The following SEMA6B variants were observed in gnomAD, a reference collection of about 807,000 sequenced individuals.
The protein encoded by SEMA6B is semaphorin 6B.
In SEMA6B, 47 loss-of-function variants were observed where a neutral mutation model predicts 78.6. That is an observed-to-expected ratio of 0.60 (90% CI 0.47 to 0.76). The LOEUF is 0.76. SEMA6B is among the 30% of genes least tolerant of loss of function. The pLI, the probability that SEMA6B is intolerant of heterozygous loss-of-function variation, is 0.00. For missense variants in SEMA6B, 1,213 were observed against 1,269.9 expected (o/e 0.96, Z 0.68); for synonymous variants, 632 against 592.2 (o/e 1.07, Z -0.98).
At chr19:4,548,223 C>T (rs1301485629) in intron 13 of SEMA6B, 40 bp downstream of exon 13, 3 of 1,591,576 alleles carry the variant, frequency 1.9e-6, no homozygotes, top group Admixed American at 1.7e-5. Flanking sequence ...CCCATCTCCC[C>T]TCCTGCTGGC....
In SEMA6B at chr19:4,554,900, T is replaced by TTCCCAAA. The variant is rs1334016312; in HGVS notation, c.682+75_682+76insTTTGGGA. 116 of 1,534,086 alleles carry TTCCCAAA rather than the reference T, an allele frequency of 7.6e-5. No individual in the cohort carries two copies. The African/African-American group carries it at 1.5e-3, about 20-fold the overall frequency. On this transcript the variant is annotated intron_variant, in intron 8 of 16. Transcript: ENST00000586582. ...CCACCAAGCTCCTCTGGGACTCTTATTCTGGTGGGGAGATTTGATGAATGT... is the reference window on the plus strand; with the variant it reads ...CCACCAAGCTCCTCTGGGACTCTTATTCCCAAATCTGGTGGGGAGATTTGATGAATGT...
Position 4,544,053 on chromosome 19 carries a change from G to A in SEMA6B, c.2215C>T (p.His739Tyr), listed in dbSNP as rs1293585065. Residue 739 changes from histidine (H) to tyrosine (Y), a missense_variant, in exon 17 of 17, where the codon CAC becomes TAC. By Grantham distance (83) the His-to-Tyr change is moderately conservative. Coordinates refer to ENST00000586582, the MANE Select transcript of SEMA6B (RefSeq NM_032108.4). The surrounding 1 kb of genome is among the most constrained non-coding windows in gnomAD (Gnocchi z 5.1). ...ALGPRAWDHG[H>Y]PLLPASASSS... ...GAAGCGGAGGCCGGGAGCAGGGGGTGGCCGTGGTCCCAGGCGCGGGGGCCC... is the reference window on the plus strand; with the variant it reads ...GAAGCGGAGGCCGGGAGCAGGGGGTAGCCGTGGTCCCAGGCGCGGGGGCCC... 2.4e-6 allele frequency: 3 copies of A among 1,226,480 alleles called. No individual in the cohort carries two copies. In the East Asian group the frequency reaches 1.0e-4, roughly 41 times the overall value. 76.0% of individuals were successfully genotyped at this position (1,226,480 alleles called of 1,614,324 possible).
rs777813030 is a variant in SEMA6B at position 4,555,546 on chromosome 19, C to T, written c.490G>A (p.Val164Ile). The change falls in exon 7 of 17, where the codon GTC becomes ATC. Residue 164 changes from valine (V) to isoleucine (I), a missense_variant. Physicochemically the swap from Val to Ile is conservative, Grantham distance 29. Transcript: ENST00000586582. The surrounding 1 kb of genome is among the most constrained non-coding windows in gnomAD (Gnocchi z 6.1). Reference protein sequence around the residue: ...ANYSIDTLQPVGDNISGMARC... With the variant: ...ANYSIDTLQPIGDNISGMARC... ...GCCATACCGCTGATGTTGTCTCCGA[C>T]GGGCTGCAGGGTGTCTATCTGCAGG... 1.2e-5 allele frequency: 20 copies of T among 1,613,390 alleles called. No homozygotes were observed. Among genetic ancestry groups the T allele is most frequent in the Middle Eastern group, 1.7e-4 (1 of 5,968 alleles).
rs1311667767 is a variant in SEMA6B, at chr19:4,555,222, C to T, written c.563-127G>A. The T allele has an allele frequency of 3.6e-5, 38 of 1,059,858 alleles. No homozygotes were observed. The Admixed American group carries it at 3.8e-4, about 11-fold the overall frequency. 65.7% of individuals were successfully genotyped at this position (1,059,858 alleles called of 1,614,324 possible). On this transcript the variant is annotated intron_variant, in intron 7 of 16. Coordinates refer to ENST00000586582, the MANE Select transcript of SEMA6B (RefSeq NM_032108.4). The surrounding 1 kb of genome is among the most constrained non-coding windows in gnomAD (Gnocchi z 6.1). ...GGGGAGCCCCTGTCTCCAGGCTGAG[C>T]CCTGATCCCATCCAAGCCCCACCTC...
intron 12 of SEMA6B, among the ~76,000 whole-genome samples, chr19:4,549,603 T>C (rs368043155): frequency 3.9e-5 from 6 of 152,096 alleles, no homozygotes; most frequent in East Asian, 3.9e-4. Context: ...CTCAGCCTCC[T>C]GAGTAGCTGG....
rs376675633 is a variant in SEMA6B at position 4,552,639 on chromosome 19, C to A, written c.772G>T (p.Val258Leu). The change falls in exon 10 of 17, where the codon GTG becomes TTG. Residue 258 changes from valine to leucine, a missense_variant and splice_region_variant. Physicochemically the swap from Val to Leu is conservative, Grantham distance 32. Coordinates refer to ENST00000586582, the MANE Select transcript of SEMA6B (RefSeq NM_032108.4). This position sits in a 1 kb window ranked among gnomAD's most constrained non-coding sequence, Gnocchi z 7.4. ...IAMEFNYLEK[V>L]VVSRVARVCK... Reference sequence around the variant, plus strand: ...ACTCGGGCCACGCGGGACACCACCACCTGGGCGTGACAGTGGACGGACGGG... The same window carrying A: ...ACTCGGGCCACGCGGGACACCACCAACTGGGCGTGACAGTGGACGGACGGG... The A allele has an allele frequency of 1.3e-5, 21 of 1,600,970 alleles. No individual in the cohort carries two copies. The highest frequency in any genetic ancestry group is 1.7e-5 in the Non-Finnish European group (20 of 1,172,094).
Position 4,552,022 on chromosome 19 carries a change from G to C in SEMA6B, c.989+400C>G, listed in dbSNP as rs948914514. Among the ~76,000 whole-genome samples the C allele has an allele frequency of 6.6e-6, 1 of 152,030 alleles. No homozygotes were observed. The highest frequency in any genetic ancestry group is 2.4e-5 in the African/African-American group (1 of 41,370). On this transcript the variant is annotated intron_variant, in intron 10 of 16. Coordinates refer to ENST00000586582, the MANE Select transcript of SEMA6B (RefSeq NM_032108.4). The surrounding 1 kb of genome is among the most constrained non-coding windows in gnomAD (Gnocchi z 7.4). ...CTTTCCTGTTGTGCATTCTCCCCTA[G>C]TTCCCTTCCCACACAGACTCTCTCA...
rs928740748 is a variant in SEMA6B at position 4,550,722 on chromosome 19, C to T, written c.1121+77G>A. ...GAACTCAGCATCAGCTAAATAACCA[C>T]CCGGAAGCCCCAGCCCTCGGCCCTG... On this transcript the variant is annotated intron_variant, in intron 11 of 16. Transcript: ENST00000586582. This position sits in a 1 kb window ranked among gnomAD's most constrained non-coding sequence, Gnocchi z 6.6. The T allele has an allele frequency of 7.1e-6, 11 of 1,552,528 alleles. No homozygotes were observed. Among genetic ancestry groups the T allele is most frequent in the Non-Finnish European group, 8.8e-6 (10 of 1,139,244 alleles).
Position 4,550,869 on chromosome 19 carries a change from G to C in SEMA6B, c.1051C>G (p.Arg351Gly). 1.2e-6 allele frequency: 2 copies of C among 1,613,540 alleles called. No individual in the cohort carries two copies. Among genetic ancestry groups the C allele is most frequent in the Non-Finnish European group, 1.7e-6 (2 of 1,179,994 alleles). Residue 351 changes from arginine (R) to glycine (G), a missense_variant, in exon 11 of 17, where the codon CGC becomes GGC. Transcript: ENST00000586582. The surrounding 1 kb of genome is among the most constrained non-coding windows in gnomAD (Gnocchi z 6.6). The part of the protein sequence containing the change: ...LTQVAAVFEG[R>G]FREQKSPESI... ...TCGGGGGACTTCTGCTCTCGGAAGC[G>C]GCCTTCAAACACAGCTGCCACCTGT...
Position 4,543,657 on chromosome 19 carries a change from A to C in SEMA6B, c.2611T>G (p.Leu871Val). 8.1e-7 allele frequency: 1 copy of C among 1,231,630 alleles called. No homozygotes were observed. The highest frequency in any genetic ancestry group is 1.0e-6 in the Non-Finnish European group (1 of 987,750). The allele number at this position is 1,231,630 out of a possible 1,614,324, so 76.3% of individuals were successfully genotyped here. The change falls in exon 17 of 17, where the codon TTG (leucine) becomes GTG (valine). Residue 871 changes from leucine to valine, a missense_variant. Transcript: ENST00000586582. ...RGCHARPGTD[L>V]AHLLPYGGAD... ...CCCCCATAGGGGAGGAGGTGGGCCA[A>C]GTCTGTGCCCGGCCGGGCGTGGCAG...
At position 4,542,816 on chromosome 19, in the gene SEMA6B, A is replaced by G. The variant is rs780690434; in HGVS notation, c.*785T>C. On this transcript the variant is annotated 3_prime_UTR_variant, in exon 17 of 17. Coordinates refer to ENST00000586582, the MANE Select transcript of SEMA6B (RefSeq NM_032108.4). ...CCCCCCAGGCCCCCAAGCCCTTTAG[A>G]CAGCTGCTGCCGATGTGACTTCCGG... The G allele has an allele frequency of 7.3e-5, 51 of 700,776 alleles. 3 individuals are homozygous for G. The South Asian group carries it at 7.3e-4, about 10-fold the overall frequency. The allele number at this position is 700,776 out of a possible 1,614,324, so 43.4% of individuals were successfully genotyped here.
chr19:4,558,559 C>T lies in SEMA6B; in HGVS notation c.-32-70G>A. The T allele has an allele frequency of 9.9e-7, 1 of 1,006,304 alleles. No homozygotes were observed. The highest frequency in any genetic ancestry group is 1.3e-6 in the Non-Finnish European group (1 of 782,110). The allele number at this position is 1,006,304 out of a possible 1,614,324, so 62.3% of individuals were successfully genotyped here. A position where few individuals can be genotyped will look rare whatever the true frequency, so the allele number is the denominator to read the frequency against. On this transcript the variant is annotated intron_variant, in intron 1 of 16. Transcript: ENST00000586582. This position sits in a 1 kb window ranked among gnomAD's most constrained non-coding sequence, Gnocchi z 5.1. ...GTGGCCACAAGACGGCGGGCGAGAG[C>T]AGCAGACGCTCCTTCAAATCCCAGA...
At position 4,544,386 on chromosome 19, in the gene SEMA6B, G is replaced by A. The variant is rs764913336; in HGVS notation, c.1882C>T (p.Arg628Trp). The A allele has an allele frequency of 1.9e-6, 3 of 1,595,244 alleles. No homozygotes were observed. The highest frequency in any genetic ancestry group is 1.7e-5 in the Admixed American group (1 of 58,794). ...TTGTCCTTGCGCCGGGCCAGCTCCC[G>A]CCGCTCACGGAGGCCCACGAACCAG... is the stretch of plus-strand genomic sequence containing the variant. ...VGWFVGLRER[R>W]ELARRKDKEA... The change falls in exon 17 of 17, where the codon CGG (arginine) becomes TGG (tryptophan). Residue 628 changes from arginine to tryptophan, a missense_variant. Transcript: ENST00000586582. This position sits in a 1 kb window ranked among gnomAD's most constrained non-coding sequence, Gnocchi z 5.1.
At position 4,543,120 on chromosome 19, in the gene SEMA6B, C is replaced by T; in HGVS notation, c.*481G>A. On this transcript the variant is annotated 3_prime_UTR_variant, in exon 17 of 17. Coordinates refer to ENST00000586582, the MANE Select transcript of SEMA6B (RefSeq NM_032108.4). Reference sequence around the variant, plus strand: ...ACCTCCCCGGCCCCTTGCACACGAACACGGCACGCACACGCACGCACACCC... The same window carrying T: ...ACCTCCCCGGCCCCTTGCACACGAATACGGCACGCACACGCACGCACACCC... 2 of 622,324 alleles carry T rather than the reference C, an allele frequency of 3.2e-6. No individual in the cohort carries two copies. The highest frequency in any genetic ancestry group is 5.8e-6 in the Non-Finnish European group (2 of 345,230). 38.6% of individuals were successfully genotyped at this position (622,324 alleles called of 1,614,324 possible). A position where few individuals can be genotyped will look rare whatever the true frequency, so the allele number is the denominator to read the frequency against.
Position 4,552,723 on chromosome 19 carries a change from A to C in SEMA6B, c.772-84T>G. The C allele has an allele frequency of 5.4e-6, 7 of 1,287,898 alleles. No individual in the cohort carries two copies. The highest frequency in any genetic ancestry group is 6.4e-6 in the Non-Finnish European group (6 of 932,986). The allele number at this position is 1,287,898 out of a possible 1,614,324, so 79.8% of individuals were successfully genotyped here. A position where few individuals can be genotyped will look rare whatever the true frequency, so the allele number is the denominator to read the frequency against. On this transcript the variant is annotated intron_variant, in intron 9 of 16. Coordinates refer to ENST00000586582, the MANE Select transcript of SEMA6B (RefSeq NM_032108.4). The surrounding 1 kb of genome is among the most constrained non-coding windows in gnomAD (Gnocchi z 7.4). ...ACAGGCTGTGCCACTCACCACCCAAACTGTGATGGAGGAGTCTGACCCTGG... is the reference window on the plus strand; with the variant it reads ...ACAGGCTGTGCCACTCACCACCCAACCTGTGATGGAGGAGTCTGACCCTGG...
intron 4 of SEMA6B, 48 bp downstream of exon 4, chr19:4,557,115 C>T (rs1290683867): frequency 1.3e-6 from 2 of 1,590,832 alleles, no homozygotes; most frequent in South Asian, 1.1e-5. Context: ...CGCAGTGCCG[C>T]GTCCCCCTGG....
Position 4,552,114 on chromosome 19 carries a change from T to C in SEMA6B, c.989+308A>G, listed in dbSNP as rs1342571537. 6.6e-6 allele frequency among the ~76,000 whole-genome samples: 1 copy of C among 152,164 alleles called. No individual in the cohort carries two copies. Among genetic ancestry groups the C allele is most frequent in the Non-Finnish European group, 1.5e-5 (1 of 68,030 alleles). On this transcript the variant is annotated intron_variant, in intron 10 of 16. Coordinates refer to ENST00000586582, the MANE Select transcript of SEMA6B (RefSeq NM_032108.4). This position sits in a 1 kb window ranked among gnomAD's most constrained non-coding sequence, Gnocchi z 7.4. The stretch of plus-strand genomic sequence containing the variant: ...TTTGCACATGCTGTTTCTCCAACTT[T>C]GAACACCCTTCCCTCTTCCTCCATC...
chr19:4,552,657 C>T lies in SEMA6B; in HGVS notation c.772-18G>A, dbSNP rs774749906. 18 of 1,582,196 alleles carry T rather than the reference C, an allele frequency of 1.1e-5. 1 individual carries two copies. Among genetic ancestry groups the T allele is most frequent in the Middle Eastern group, 3.4e-4 (2 of 5,820 alleles). On this transcript the variant is annotated intron_variant, in intron 9 of 16. Coordinates refer to ENST00000586582, the MANE Select transcript of SEMA6B (RefSeq NM_032108.4). This position sits in a 1 kb window ranked among gnomAD's most constrained non-coding sequence, Gnocchi z 7.4. ...ACCACCACCTGGGCGTGACAGTGGA[C>T]GGACGGGGGCCTGAGCTCTGTGTCC...
At chr19:4,545,973 G>A (rs1048449241) in intron 16 of SEMA6B, 11 of 332,436 alleles carry the variant, frequency 3.3e-5, no homozygotes, top group Non-Finnish European at 5.1e-5. Flanking sequence ...GGGTTTCACC[G>A]TGTTAGCCAG....
Sources: gnomAD v4.1 joint callset for allele counts (sites outside exome capture counted in the v4.1 genomes callset) on GRCh38, gnomAD v4.1.1 for gene constraint, Gnocchi (gnomAD v3.1) non-coding constraint, MANE v1.5 for transcripts, NCBI Gene and HGNC (gene_info 2026-07-23, HGNC 2026-07-21) for gene names.